The following ISM1 variants were observed in gnomAD, a reference collection of about 807,000 sequenced individuals.
ISM1 encodes isthmin 1.
In ISM1, 25 loss-of-function variants were observed where a neutral mutation model predicts 46.3. The ratio of observed to expected loss-of-function variants is 0.54; its 90% CI spans 0.39 to 0.75. The LOEUF (loss-of-function observed/expected upper bound fraction) is 0.75. Among genes scored for constraint, ISM1 ranks in the 30% least tolerant of loss-of-function variants. The probability of loss-of-function intolerance (pLI) is 0.00; values close to 1 mark genes in which losing one functional copy is unlikely to be tolerated. For synonymous variants in ISM1, 255 were observed against 256.7 expected (o/e 0.99, Z 0.06); for missense variants, 536 against 625.4 (o/e 0.86, Z 1.52).
chr20:13,296,494 G>A (rs1169591519), intron 5 of ISM1, among the ~76,000 whole-genome samples: 4 of 152,204 alleles, frequency 2.6e-5, no homozygotes, highest in Non-Finnish European at 5.9e-5. Context: ...CATAAGATCT[G>A]CAAGCATCTC....
At chr20:13,242,504 C>T (rs937299711) in intron 1 of ISM1, among the ~76,000 whole-genome samples, 2 of 151,828 alleles carry the variant, frequency 1.3e-5, no homozygotes, top group East Asian at 1.9e-4. Flanking sequence ...AGGAAAAGCC[C>T]GAGAAGGTCC....
chr20:13,311,985 T>G, the ISM1 span, among the ~76,000 whole-genome samples: 2 of 152,206 alleles, frequency 1.3e-5, no homozygotes, highest in Admixed American at 6.5e-5. Context: ...TAGCTTAATT[T>G]TCCCACAATG....
intron 1 of ISM1, among the ~76,000 whole-genome samples, chr20:13,260,604 T>G (rs2039978330): frequency 7.9e-6 from 1 of 126,896 alleles, no homozygotes; most frequent in South Asian, 2.2e-4. Context: ...AAAGTGGAGT[T>G]TTTTTTTTTT....
intron 4 of ISM1, 136 bp downstream of exon 4, chr20:13,288,819 CT>C: frequency 1.1e-6 from 1 of 896,946 alleles, no homozygotes; most frequent in Non-Finnish European, 1.7e-6. Flanking sequence ...GAGTCTCTCC[CT>C]GTCGCCCAGG....
At position 13,223,608 on chromosome 20, in the gene ISM1, T is replaced by G. The variant is rs142356048; in HGVS notation, c.138+1694T>G. On this transcript the variant is annotated intron_variant, in intron 1 of 5. Transcript: ENST00000262487. ...GTAGAAAAGTACACACCCCAAAGCT[T>G]AAAGTTGTTTTAACTTTGAGACATT... Among the ~76,000 whole-genome samples the G allele has an allele frequency of 9.8e-3, 1,497 of 152,338 alleles. 8 individuals are homozygous for G. Among genetic ancestry groups the G allele is most frequent in the Non-Finnish European group, 0.018 (1,199 of 68,028 alleles).
rs2040443324 is a variant in ISM1, at chr20:13,299,818, G to T, written c.*359G>T. On this transcript the variant is annotated 3_prime_UTR_variant, in exon 6 of 6. Transcript: ENST00000262487. The surrounding 1 kb of genome is among the most constrained non-coding windows in gnomAD (Gnocchi z 5.8). ...GCAAAGGGGGAAAGAGACTGAGGTT[G>T]TAAACGTTATAAGCAGTTTTTATAT... 1 of 206,696 alleles carries T rather than the reference G, an allele frequency of 4.8e-6. No individual in the cohort carries two copies. Among genetic ancestry groups the T allele is most frequent in the South Asian group, 1.3e-4 (1 of 7,526 alleles). 12.8% of individuals were successfully genotyped at this position (206,696 alleles called of 1,614,324 possible).
At chr20:13,275,330 T>C (rs894302802) in intron 2 of ISM1, among the ~76,000 whole-genome samples, 1 of 152,196 alleles carries the variant, frequency 6.6e-6, no homozygotes, top group Non-Finnish European at 1.5e-5. Flanking sequence ...GTGCTTCTAC[T>C]TTTGATTTTG....
At chr20:13,302,975 C>T (rs17812299), downstream of ISM1, among the ~76,000 whole-genome samples, 14,157 of 152,254 alleles carry the variant, frequency 0.093, 713 homozygotes, top group Admixed American at 0.12. Flanking sequence ...TCTGTCTTAA[C>T]GCCGGGGATT....
chr20:13,257,988 G>A (rs1193627020), intron 1 of ISM1, among the ~76,000 whole-genome samples: 2 of 152,076 alleles, frequency 1.3e-5, no homozygotes, highest in African/African-American at 4.8e-5. Flanking sequence ...GGGCCTCTCA[G>A]CCTTAATTTC....
intron 2 of ISM1, among the ~76,000 whole-genome samples, chr20:13,278,641 T>C (rs1355961537): frequency 6.6e-6 from 1 of 152,208 alleles, no homozygotes; most frequent in Non-Finnish European, 1.5e-5. Flanking sequence ...CAGTTTTCCT[T>C]GGTGGTAAAA....
chr20:13,263,121 A>C (rs555607992), intron 1 of ISM1, among the ~76,000 whole-genome samples: 1 of 152,230 alleles, frequency 6.6e-6, no homozygotes, highest in East Asian at 1.9e-4. Flanking sequence ...AATAGTTCCT[A>C]AAGGGGCATT....
intron 1 of ISM1, among the ~76,000 whole-genome samples, chr20:13,258,898 A>C (rs556009818): frequency 1.3e-5 from 2 of 152,180 alleles, no homozygotes; most frequent in African/African-American, 4.8e-5. Context: ...AGTGCATTAG[A>C]CCAACATCCG....
chr20:13,301,375 G>C (rs1370425800), downstream of ISM1, among the ~76,000 whole-genome samples: 1 of 152,138 alleles, frequency 6.6e-6, no homozygotes, highest in Non-Finnish European at 1.5e-5. Flanking sequence ...TTTTAGGAGA[G>C]ATAAGGTTTC....
intron 4 of ISM1, among the ~76,000 whole-genome samples, chr20:13,289,146 TTC>T (rs2040326115): frequency 6.6e-6 from 1 of 152,206 alleles, no homozygotes; most frequent in African/African-American, 2.4e-5. Context: ...TGAATGGATT[TTC>T]TGAGTCTTAT....
chr20:13,290,844 C>T (rs1366653613), intron 4 of ISM1, among the ~76,000 whole-genome samples: 1 of 152,168 alleles, frequency 6.6e-6, no homozygotes, highest in Non-Finnish European at 1.5e-5. Flanking sequence ...ACTCATTCGA[C>T]AGCTATAGTA....
chr20:13,255,572 G>C (rs901742624), intron 1 of ISM1, among the ~76,000 whole-genome samples: 8 of 152,204 alleles, frequency 5.3e-5, no homozygotes, highest in South Asian at 2.1e-4. Context: ...ATGCATAGGA[G>C]TTTTCTATGT....
chr20:13,228,077 A>T (rs2039548862), intron 1 of ISM1, among the ~76,000 whole-genome samples: 1 of 149,816 alleles, frequency 6.7e-6, no homozygotes, highest in Admixed American at 6.7e-5. Flanking sequence ...GGTTCAAGCG[A>T]TTCTCGTGCC....
chr20:13,252,936 C>G (rs190656101), intron 1 of ISM1, among the ~76,000 whole-genome samples: 11 of 152,268 alleles, frequency 7.2e-5, no homozygotes, highest in South Asian at 4.1e-4. Flanking sequence ...CCCAGCCCCC[C>G]CTCTCAGATC....
At chr20:13,265,527 G>A (rs545501437) in intron 1 of ISM1, among the ~76,000 whole-genome samples, 2 of 152,288 alleles carry the variant, frequency 1.3e-5, no homozygotes, top group Admixed American at 6.5e-5. Context: ...AGAGTACCCT[G>A]TTAATCATCG....
Sources: gnomAD v4.1 joint callset for allele counts (sites outside exome capture counted in the v4.1 genomes callset) on GRCh38, gnomAD v4.1.1 for gene constraint, Gnocchi (gnomAD v3.1) non-coding constraint, MANE v1.5 for transcripts, NCBI Gene and HGNC (gene_info 2026-07-23, HGNC 2026-07-21) for gene names.